Variants in FGF1 observed in about 807,000 individuals in gnomAD.
FGF1 encodes fibroblast growth factor 1, also known as beta-endothelial cell growth factor.
A neutral mutation model predicts 13.4 loss-of-function variants in FGF1; 9 were observed. The ratio of observed to expected loss-of-function variants is 0.67; its 90% CI spans 0.40 to 1.17. FGF1 has a LOEUF of 1.17. Among genes scored for constraint, FGF1 ranks in the 50% most tolerant of loss-of-function variants. The pLI, the probability that FGF1 is intolerant of heterozygous loss-of-function variation, is 0.01. For synonymous variants in FGF1, 93 were observed against 79.0 expected (o/e 1.18, Z -0.94); for missense variants, 156 against 192.7 (o/e 0.81, Z 1.13).
intron 1 of FGF1, among the ~76,000 whole-genome samples, chr5:142,637,857 T>C (rs116784584): frequency 0.021 from 3,215 of 151,562 alleles, 170 homozygotes; most frequent in African/African-American, 0.073. Context: ...GTGAGGGAGG[T>C]TTAAGGGCAG....
upstream of FGF1, among the ~76,000 whole-genome samples, chr5:142,690,137 C>T (rs527240004): frequency 1.3e-5 from 2 of 149,974 alleles, no homozygotes; most frequent in Admixed American, 6.6e-5. Context: ...CTGGCTAACA[C>T]GGTGAAACCC....
At chr5:142,688,978 A>G (rs1177369961), upstream of FGF1, among the ~76,000 whole-genome samples, 1 of 152,196 alleles carries the variant, frequency 6.6e-6, no homozygotes. Flanking sequence ...TATAACTATC[A>G]CATTTTAACT....
At chr5:142,652,045 T>C (rs138582699) in intron 1 of FGF1, among the ~76,000 whole-genome samples, 171 of 152,260 alleles carry the variant, frequency 1.1e-3, no homozygotes, top group African/African-American at 3.2e-3. Flanking sequence ...TTCTGAACGC[T>C]GCAATGGAGG....
chr5:142,672,800 C>T (rs1238684177), intron 1 of FGF1, among the ~76,000 whole-genome samples: 1 of 152,188 alleles, frequency 6.6e-6, no homozygotes, highest in Non-Finnish European at 1.5e-5. Flanking sequence ...CCACCGCCCC[C>T]TGCCTTCTAT....
chr5:142,592,545 G>T lies in FGF1; in HGVS notation c.*2745C>A. ...CTTTGTTCAGAGCTGGCCCGAAAAT[G>T]AATCCATATGAGAGTCACGTGACAG... On this transcript the variant is annotated 3_prime_UTR_variant, in exon 4 of 4. Transcript: ENST00000337706. 1 of 397,796 alleles carries T rather than the reference G, an allele frequency of 2.5e-6. No individual in the cohort carries two copies. Among genetic ancestry groups the T allele is most frequent in the South Asian group, 1.3e-4 (1 of 7,536 alleles). The allele number at this position is 397,796 out of a possible 1,614,324, so 24.6% of individuals were successfully genotyped here. A position where few individuals can be genotyped will look rare whatever the true frequency, so the allele number is the denominator to read the frequency against.
At chr5:142,604,057 T>C (rs1447669229) in intron 2 of FGF1, among the ~76,000 whole-genome samples, 3 of 152,104 alleles carry the variant, frequency 2.0e-5, no homozygotes, top group Non-Finnish European at 4.4e-5. Flanking sequence ...ATGTCCAGAA[T>C]AGGCAAATCC....
intron 1 of FGF1, among the ~76,000 whole-genome samples, chr5:142,670,460 G>C (rs1255614159): frequency 6.6e-6 from 1 of 152,086 alleles, no homozygotes; most frequent in Non-Finnish European, 1.5e-5. Context: ...CAGTCAGTAG[G>C]GTCCTTCCTT....
intron 1 of FGF1, chr5:142,680,935 T>C (rs1169936632): frequency 6.6e-6 from 1 of 151,912 alleles, no homozygotes; most frequent in Non-Finnish European, 1.5e-5. Flanking sequence ...CGAATCAAAA[T>C]TGTGGGGAGC....
intron 1 of FGF1, among the ~76,000 whole-genome samples, chr5:142,623,744 A>AC (rs1648440758): frequency 8.9e-6 from 1 of 112,952 alleles, no homozygotes; most frequent in Non-Finnish European, 1.9e-5. Context: ...TTCATTAAAA[A>AC]AATTTTTTTT....
At chr5:142,685,450 C>T (rs1750943274) in intron 1 of FGF1, 1 of 152,136 alleles carries the variant, frequency 6.6e-6, no homozygotes, top group African/African-American at 2.4e-5. Flanking sequence ...TCCAGGCTTC[C>T]CAAGAGAGAG....
intron 1 of FGF1, among the ~76,000 whole-genome samples, chr5:142,658,609 G>GAC (rs1008939647): frequency 6.6e-6 from 1 of 152,128 alleles, no homozygotes; most frequent in Non-Finnish European, 1.5e-5. Flanking sequence ...ACAGGCAGCA[G>GAC]ACACACACAC....
rs1751125128 is a variant in FGF1, at chr5:142,686,090, T to A, written c.-168A>T. On this transcript the variant is annotated 5_prime_UTR_variant, in exon 1 of 4. Transcript: ENST00000337706. ...CTGAACCTCCAGGCTACTGCAGCTC[T>A]GAGTGGGGAGAGGGACGGGCCGTGG... 1 of 152,044 alleles carries A rather than the reference T, an allele frequency of 6.6e-6. No homozygotes were observed. The highest frequency in any genetic ancestry group is 2.4e-5 in the African/African-American group (1 of 41,360). The allele number at this position is 152,044 out of a possible 1,614,324, so 9.4% of individuals were successfully genotyped here.
intron 2 of FGF1, among the ~76,000 whole-genome samples, chr5:142,693,724 T>C (rs1752610729): frequency 1.3e-5 from 2 of 152,184 alleles, no homozygotes; most frequent in Non-Finnish European, 2.9e-5. Context: ...CAACCACTCA[T>C]CTACTTTCTG....
chr5:142,628,528 A>G (rs1012718426), intron 1 of FGF1, among the ~76,000 whole-genome samples: 1 of 152,208 alleles, frequency 6.6e-6, no homozygotes, highest in African/African-American at 2.4e-5. Flanking sequence ...GAGGCTAGAG[A>G]TAGTTGCCAA....
intron 2 of FGF1, among the ~76,000 whole-genome samples, chr5:142,608,134 C>T (rs577857078): frequency 1.3e-5 from 2 of 152,112 alleles, no homozygotes; most frequent in African/African-American, 2.4e-5. Context: ...TCTTCCTGTC[C>T]CATCCCAGGC....
chr5:142,608,497 A>AATATAT (rs140055415), intron 2 of FGF1, among the ~76,000 whole-genome samples: 1 of 145,422 alleles, frequency 6.9e-6, no homozygotes, highest in African/African-American at 2.5e-5. Context: ...AGTGGTAAAA[A>AATATAT]ATATATATAT....
chr5:142,672,541 G>C (rs1171374756), intron 1 of FGF1, among the ~76,000 whole-genome samples: 1 of 123,558 alleles, frequency 8.1e-6, no homozygotes, highest in Non-Finnish European at 1.6e-5. Flanking sequence ...GTCTCACTCT[G>C]TCGCCCAGGC....
chr5:142,690,209 T>C (rs1751958865), upstream of FGF1, among the ~76,000 whole-genome samples: 1 of 151,364 alleles, frequency 6.6e-6, no homozygotes, highest in Admixed American at 6.6e-5. Context: ...TAGTCCCAGC[T>C]ACTCGGGAGG....
At position 142,695,012 on chromosome 5, in the gene FGF1, TCTA is replaced by T. The variant is rs1752879761; in HGVS notation, c.-35+2607_-35+2609del. Among the ~76,000 whole-genome samples, 3 of 152,298 alleles carry T rather than the reference TCTA, an allele frequency of 2.0e-5. No homozygotes were observed. In the Middle Eastern group the frequency reaches 0.01, roughly 518 times the overall value. ...TCTTTAAACTCAGGCAGCAGGAAAT[TCTA>T]CTGATAGGTGTGTAAATGATTAGTG... On this transcript the variant is annotated intron_variant, in intron 2 of 4. Transcript: ENST00000407758.
Sources: gnomAD v4.1 joint callset for allele counts (sites outside exome capture counted in the v4.1 genomes callset) on GRCh38, gnomAD v4.1.1 for gene constraint, MANE v1.5 for transcripts, NCBI Gene and HGNC (gene_info 2026-07-23, HGNC 2026-07-21) for gene names.